Variants in REV3L observed in about 807,000 individuals in gnomAD.
REV3L encodes the protein REV3 like, DNA directed polymerase zeta catalytic subunit, also known as DNA polymerase zeta catalytic subunit.
In REV3L, 69 loss-of-function variants were observed where a neutral mutation model predicts 299.4. The ratio of observed to expected loss-of-function variants is 0.23; its 90% CI spans 0.19 to 0.28. REV3L has a LOEUF of 0.28. Among genes scored for constraint, REV3L ranks in the 10% least tolerant of loss-of-function variants. REV3L has a pLI of 1.00. For missense variants in REV3L, 3,128 were observed against 3,693.8 expected (o/e 0.85, Z 3.97); for synonymous variants, 1,238 against 1,271.4 (o/e 0.97, Z 0.56).
intron 4 of REV3L, among the ~76,000 whole-genome samples, chr6:111,395,299 A>T (rs2128260309): frequency 6.6e-6 from 1 of 152,258 alleles, no homozygotes; most frequent in African/African-American, 2.4e-5. Context: ...TTATTGGAAA[A>T]TATGGCCATT....
chr6:111,396,125 C>T (rs1782475249), intron 4 of REV3L, among the ~76,000 whole-genome samples: 1 of 152,280 alleles, frequency 6.6e-6, no homozygotes, highest in East Asian at 1.9e-4. Flanking sequence ...CTCCTGGGCT[C>T]AAGCCATCCT....
At chr6:111,446,827 T>C (rs1788916229) in intron 1 of REV3L, among the ~76,000 whole-genome samples, 1 of 152,226 alleles carries the variant, frequency 6.6e-6, no homozygotes, top group Admixed American at 6.5e-5. Context: ...TAGTATTTGA[T>C]ACTGAGATTA....
Position 111,365,281 on chromosome 6 carries a change from A to C in REV3L, c.6737T>G (p.Leu2246Arg). 1 of 1,545,832 alleles carries C rather than the reference A, an allele frequency of 6.5e-7. No homozygotes were observed. Among genetic ancestry groups the C allele is most frequent in the East Asian group, 2.4e-5 (1 of 41,398 alleles). Residue 2246 changes from leucine (L) to arginine (R), a missense_variant, in exon 15 of 32, where the codon CTG becomes CGG. Leu to Arg is a moderately radical substitution (Grantham distance 102, BLOSUM62 -2). Coordinates refer to ENST00000368802, the MANE Select transcript of REV3L (RefSeq NM_001372078.1). ...TATAGTTACCTTTGCTTGTGTTAAC[A>C]GTACTCTTCTAAGAGTGTCAGTATT... Reference protein sequence around the residue: ...GSNTDTLRRVLLTQAKNQFAA... With the variant: ...GSNTDTLRRVRLTQAKNQFAA...
At chr6:111,406,814 A>T (rs1476867436) in intron 3 of REV3L, among the ~76,000 whole-genome samples, 1 of 152,202 alleles carries the variant, frequency 6.6e-6, no homozygotes, top group Non-Finnish European at 1.5e-5. Flanking sequence ...ATTGGAAATG[A>T]ATCATAAAGA....
intron 1 of REV3L, among the ~76,000 whole-genome samples, chr6:111,468,374 T>A (rs1791761148): frequency 6.6e-6 from 1 of 152,160 alleles, no homozygotes; most frequent in African/African-American, 2.4e-5. Context: ...CATTTGGAAC[T>A]CAATTTACAG....
chr6:111,368,136 T>C, intron 13 of REV3L, 108 bp from the exon 14 acceptor site: 1 of 913,650 alleles, frequency 1.1e-6, no homozygotes. Context: ...AAAATGTCCA[T>C]GTCTATCTTC....
chr6:111,363,357 G>A (rs992165588), intron 16 of REV3L, among the ~76,000 whole-genome samples: 5 of 152,124 alleles, frequency 3.3e-5, no homozygotes, highest in Admixed American at 6.5e-5. Context: ...CCAGGCTGGA[G>A]TGTAGTGGCG....
rs1582448557 is a variant in REV3L, at chr6:111,309,992, C to T, written c.8903G>A (p.Arg2968His). 12 of 1,613,764 alleles carry T rather than the reference C, an allele frequency of 7.4e-6. No individual in the cohort carries two copies. The highest frequency in any genetic ancestry group is 2.2e-5 in the East Asian group (1 of 44,844). Reference sequence around the variant, plus strand: ...TGGGTCCTGCAGGACTTCCACTGGGCGCCTTACAAGCTGGATAAGTGGTAC... The same window carrying T: ...TGGGTCCTGCAGGACTTCCACTGGGTGCCTTACAAGCTGGATAAGTGGTAC... ...PGVPLIQLVR[R>H]PVEVLQDPTL... Residue 2968 changes from arginine to histidine, a missense_variant, in exon 30 of 32, where the codon CGC (arginine) becomes CAC (histidine). By Grantham distance (29) the Arg-to-His change is conservative (BLOSUM62 0). Coordinates refer to ENST00000368802, the MANE Select transcript of REV3L (RefSeq NM_001372078.1).
At position 111,380,127 on chromosome 6, in the gene REV3L, A is replaced by G; in HGVS notation, c.1309T>C (p.Cys437Arg). The part of the protein sequence containing the change: ...RGERNRMPSP[C>R]RSFGNNKYPQ... Reference sequence around the variant, plus strand: ...TATTTATTATTTCCAAAGGAGCGACATGGTGATGGCATCCTATTTCTTTCC... The same window carrying G: ...TATTTATTATTTCCAAAGGAGCGACGTGGTGATGGCATCCTATTTCTTTCC... The change falls in exon 11 of 32, where the codon TGT becomes CGT. Residue 437 changes from cysteine (C) to arginine (R), a missense_variant. Cys to Arg is a radical substitution (Grantham distance 180). Around this residue, in one of 9 missense-constraint regions of REV3L, gnomAD observed 2,409 missense variants for 2,611.8 expected, o/e 0.92. Transcript: ENST00000368802. 1 of 1,614,042 alleles carries G rather than the reference A, an allele frequency of 6.2e-7. No individual in the cohort carries two copies. Among genetic ancestry groups the G allele is most frequent in the Non-Finnish European group, 8.5e-7 (1 of 1,179,934 alleles).
intron 1 of REV3L, among the ~76,000 whole-genome samples, chr6:111,421,284 G>C (rs11967359): frequency 0.033 from 4,993 of 152,106 alleles, 118 homozygotes; most frequent in Admixed American, 0.068. Context: ...AAAATTACTT[G>C]GGGTATTTTT....
intron 4 of REV3L, among the ~76,000 whole-genome samples, chr6:111,403,679 G>A (rs1381863779): frequency 6.6e-6 from 1 of 152,102 alleles, no homozygotes; most frequent in Admixed American, 6.5e-5. Context: ...GAGACACTAC[G>A]ATATTGAAAT....
chr6:111,386,949 T>C (rs1393003323), intron 9 of REV3L, among the ~76,000 whole-genome samples: 1 of 152,124 alleles, frequency 6.6e-6, no homozygotes, highest in Admixed American at 6.5e-5. Context: ...TGCCAACTCC[T>C]GACCTCAGGT....
At chr6:111,438,336 T>A (rs949584156) in intron 1 of REV3L, among the ~76,000 whole-genome samples, 9 of 152,050 alleles carry the variant, frequency 5.9e-5, no homozygotes, top group Non-Finnish European at 1.0e-4. Flanking sequence ...ATATAATCAT[T>A]TGCCACTACA....
intron 31 of REV3L, 94 bp from the exon 32 acceptor site, chr6:111,300,250 C>T (rs1771337084): frequency 2.1e-6 from 2 of 960,656 alleles, no homozygotes; most frequent in Non-Finnish European, 3.0e-6. Context: ...TCTAGACTAC[C>T]ACAGATTACT....
At chr6:111,366,146 AAAG>A (rs1172814687) in intron 14 of REV3L, among the ~76,000 whole-genome samples, 1 of 152,190 alleles carries the variant, frequency 6.6e-6, no homozygotes, top group African/African-American at 2.4e-5. Flanking sequence ...AGGAAAACTG[AAAG>A]AAGGCCAGAT....
At chr6:111,335,968 A>G (rs1043636735) in intron 21 of REV3L, among the ~76,000 whole-genome samples, 1 of 151,966 alleles carries the variant, frequency 6.6e-6, no homozygotes, top group African/African-American at 2.4e-5. Context: ...TGATTATGCA[A>G]TAATTATTTA....
chr6:111,471,560 C>A (rs912470600), intron 1 of REV3L, among the ~76,000 whole-genome samples: 1 of 152,108 alleles, frequency 6.6e-6, no homozygotes, highest in African/African-American at 2.4e-5. Context: ...AAGAAAGTAA[C>A]ATTTATGTTA....
intron 26 of REV3L, among the ~76,000 whole-genome samples, chr6:111,321,955 A>G (rs1774237130): frequency 1.7e-5 from 1 of 58,618 alleles, no homozygotes; most frequent in African/African-American, 4.8e-5. Flanking sequence ...AAAATATCAC[A>G]GCAAGCAGGA....
At chr6:111,421,852 T>C (rs552983820) in intron 1 of REV3L, among the ~76,000 whole-genome samples, 2 of 152,314 alleles carry the variant, frequency 1.3e-5, no homozygotes, top group Non-Finnish European at 2.9e-5. Context: ...TCCTGGAACA[T>C]CTCAAGTTTT....
Sources: allele counts gnomAD v4.1 joint callset (sites outside exome capture counted in the v4.1 genomes callset), GRCh38; gene constraint gnomAD v4.1.1; regional missense constraint gnomAD v4.1.1; transcripts MANE v1.5; gene names NCBI Gene and HGNC (gene_info 2026-07-23, HGNC 2026-07-21).